The following ADGRB3 variants were observed in gnomAD, a reference collection of about 807,000 sequenced individuals.
The protein encoded by ADGRB3 is adhesion G protein-coupled receptor B3, also known as brain-specific angiogenesis inhibitor 3.
ADGRB3 carries 37 observed loss-of-function variants against 193.4 expected under a neutral mutation model. The observed-to-expected ratio is 0.19, with a 90% CI of 0.15 to 0.25. ADGRB3 has a LOEUF of 0.25. Among genes scored for constraint, ADGRB3 ranks in the 10% least tolerant of loss-of-function variants. The probability of loss-of-function intolerance (pLI) is 1.00; values close to 1 mark genes in which losing one functional copy is unlikely to be tolerated. For synonymous variants in ADGRB3, 690 were observed against 644.2 expected, an observed-to-expected ratio of 1.07 and a Z score of -1.08; for missense variants, 1,637 against 1,852.9, an observed-to-expected ratio of 0.88 and a Z score of 2.14.
chr6:69,205,988 T>C (rs1765528871), intron 17 of ADGRB3, among the ~76,000 whole-genome samples: 1 of 145,334 alleles, frequency 6.9e-6, no homozygotes, highest in Non-Finnish European at 1.5e-5. Context: ...CAGGGTTCTC[T>C]AGAGGGACAG....
chr6:69,256,419 G>A (rs556713406), intron 20 of ADGRB3, among the ~76,000 whole-genome samples: 19 of 152,094 alleles, frequency 1.2e-4, no homozygotes, highest in East Asian at 3.9e-4. Flanking sequence ...GGTCCTTCAC[G>A]TCCCTTGTAA....
intron 20 of ADGRB3, among the ~76,000 whole-genome samples, chr6:69,247,379 C>A (rs1004282801): frequency 7.9e-5 from 12 of 152,162 alleles, no homozygotes; most frequent in Non-Finnish European, 1.8e-4. Context: ...CTCTAGCAAG[C>A]CTTCTGGCTT....
intron 3 of ADGRB3, among the ~76,000 whole-genome samples, chr6:68,840,245 A>T (rs996839602): frequency 6.6e-6 from 1 of 152,082 alleles, no homozygotes; most frequent in African/African-American, 2.4e-5. Flanking sequence ...AAGATGTTGC[A>T]GCTCTGAAAG....
intron 8 of ADGRB3, among the ~76,000 whole-genome samples, chr6:68,963,836 A>G (rs148534502): frequency 6.6e-6 from 1 of 152,152 alleles, no homozygotes; most frequent in African/African-American, 2.4e-5. Flanking sequence ...TTTCCTTATT[A>G]TATAGTATTA....
chr6:68,991,557 C>T (rs1769238358), intron 10 of ADGRB3, among the ~76,000 whole-genome samples: 1 of 149,478 alleles, frequency 6.7e-6, no homozygotes, highest in East Asian at 2.3e-4. Flanking sequence ...CCCCCGCCAT[C>T]CCCTCGCTCC....
intron 17 of ADGRB3, among the ~76,000 whole-genome samples, chr6:69,149,966 G>GTA (rs1333121277): frequency 2.1e-5 from 3 of 145,336 alleles, no homozygotes; most frequent in Non-Finnish European, 3.1e-5. Flanking sequence ...GTGTGTGTGT[G>GTA]TGTGTGTGTT....
rs541258269 is a variant in ADGRB3, at chr6:68,987,654, C to CA, written c.1735-6111dup. On this transcript the variant is annotated intron_variant, in intron 10 of 31. Transcript: ENST00000370598. Reference sequence around the variant, plus strand: ...AACTAAGGATCAGACTGCCTGGGCTCAAATCTCCATAGTCACTACTTAGGA... The same window carrying CA: ...AACTAAGGATCAGACTGCCTGGGCTCAAAATCTCCATAGTCACTACTTAGGA... 1.9e-4 allele frequency among the ~76,000 whole-genome samples: 29 copies of CA among 152,162 alleles called. No homozygotes were observed. In the East Asian group the frequency reaches 5.2e-3, roughly 27 times the overall value.
intron 3 of ADGRB3, among the ~76,000 whole-genome samples, chr6:68,752,319 C>G (rs535048277): frequency 6.8e-6 from 1 of 147,448 alleles, no homozygotes; most frequent in African/African-American, 2.5e-5. Flanking sequence ...TCTTGTCACC[C>G]ACATTGGAGT....
At chr6:68,952,289 A>C (rs1035019713) in intron 6 of ADGRB3, among the ~76,000 whole-genome samples, 2 of 152,100 alleles carry the variant, frequency 1.3e-5, no homozygotes, top group Non-Finnish European at 2.9e-5. Context: ...AAATAAAACA[A>C]TGTCTCATAT....
At chr6:68,905,859 C>T (rs1458467738) in intron 3 of ADGRB3, among the ~76,000 whole-genome samples, 2 of 152,098 alleles carry the variant, frequency 1.3e-5, no homozygotes, top group Non-Finnish European at 2.9e-5. Flanking sequence ...TGACCACTGC[C>T]TCAGTTTTCT....
chr6:68,935,945 A>G (rs1424563619), intron 4 of ADGRB3, among the ~76,000 whole-genome samples: 1 of 152,180 alleles, frequency 6.6e-6, no homozygotes, highest in Admixed American at 6.5e-5. Flanking sequence ...TAAATAAATT[A>G]CCACAAAATA....
intron 3 of ADGRB3, among the ~76,000 whole-genome samples, chr6:68,683,999 G>T (rs964254377): frequency 3.9e-5 from 6 of 152,154 alleles, no homozygotes; most frequent in Admixed American, 2.0e-4. Context: ...CTGTCATTTA[G>T]AAATGTGGGC....
At chr6:68,657,029 C>G (rs1195824869) in intron 3 of ADGRB3, among the ~76,000 whole-genome samples, 1 of 151,346 alleles carries the variant, frequency 6.6e-6, no homozygotes, top group African/African-American at 2.4e-5. Flanking sequence ...AGTATAATGA[C>G]TTCGATTTTA....
intron 31 of ADGRB3, among the ~76,000 whole-genome samples, chr6:69,385,593 T>C (rs1770053600): frequency 6.6e-6 from 1 of 152,136 alleles, no homozygotes; most frequent in African/African-American, 2.4e-5. Context: ...TTTTAGCCTT[T>C]AACAAATATG....
At chr6:69,037,077 A>G (rs148802907) in intron 13 of ADGRB3, among the ~76,000 whole-genome samples, 4 of 152,230 alleles carry the variant, frequency 2.6e-5, no homozygotes, top group African/African-American at 9.6e-5. Context: ...GATTGGAGAC[A>G]TGTTCCAGAA....
intron 3 of ADGRB3, among the ~76,000 whole-genome samples, chr6:68,921,512 A>G (rs1767043075): frequency 6.6e-6 from 1 of 152,180 alleles, no homozygotes; most frequent in Admixed American, 6.5e-5. Flanking sequence ...TTAAACACTA[A>G]ACACTTCGGT....
chr6:68,753,210 T>A (rs541561052), intron 3 of ADGRB3, among the ~76,000 whole-genome samples: 13 of 152,348 alleles, frequency 8.5e-5, no homozygotes, highest in African/African-American at 3.1e-4. Context: ...GAATCTGTAA[T>A]ACTTAACTTG....
At chr6:69,104,091 T>G (rs1315729178) in intron 17 of ADGRB3, among the ~76,000 whole-genome samples, 2 of 151,982 alleles carry the variant, frequency 1.3e-5, no homozygotes, top group Admixed American at 1.3e-4. Context: ...ATTGTGCAGG[T>G]TAGTTACATA....
chr6:69,240,622 A>C (rs1766365091), intron 20 of ADGRB3, among the ~76,000 whole-genome samples: 1 of 151,972 alleles, frequency 6.6e-6, no homozygotes, highest in South Asian at 2.1e-4. Flanking sequence ...ACAGAATAAA[A>C]AATGAGGGTA....
Sources: allele counts gnomAD v4.1 joint callset (sites outside exome capture counted in the v4.1 genomes callset), GRCh38; gene constraint gnomAD v4.1.1; transcripts MANE v1.5; gene names NCBI Gene and HGNC (gene_info 2026-07-23, HGNC 2026-07-21).